Variants in CNTNAP2 observed in about 807,000 individuals in gnomAD.
CNTNAP2 encodes contactin-associated protein-like 2.
In CNTNAP2, 98 loss-of-function variants were observed where a neutral mutation model predicts 155.2. The ratio of observed to expected loss-of-function variants is 0.63; its 90% CI spans 0.54 to 0.75. CNTNAP2 has a LOEUF of 0.75. Ranked by LOEUF, CNTNAP2 falls within the 30% of genes least tolerant of loss-of-function variation. CNTNAP2 has a pLI of 0.00. For synonymous variants in CNTNAP2, 651 were observed against 631.2 expected, an observed-to-expected ratio of 1.03 and a Z score of -0.47; for missense variants, 1,727 against 1,688.1, an observed-to-expected ratio of 1.02 and a Z score of -0.40.
chr7:146,337,936 T>C (rs934352922), intron 1 of CNTNAP2, among the ~76,000 whole-genome samples: 4 of 152,116 alleles, frequency 2.6e-5, no homozygotes, highest in African/African-American at 4.8e-5. Flanking sequence ...TCCTTGAAAA[T>C]AGAAAATAAT....
intron 8 of CNTNAP2, among the ~76,000 whole-genome samples, chr7:147,242,672 AT>A (rs1803963845): frequency 6.6e-6 from 1 of 152,032 alleles, no homozygotes; most frequent in African/African-American, 2.4e-5. Flanking sequence ...AAATTCTTCC[AT>A]TTATTATTTC....
intron 13 of CNTNAP2, among the ~76,000 whole-genome samples, chr7:147,641,006 G>T (rs1258094598): frequency 1.3e-5 from 2 of 152,182 alleles, no homozygotes; most frequent in South Asian, 4.1e-4. Flanking sequence ...AGATATGTGG[G>T]GGCGGCCATG....
chr7:147,342,769 A>G (rs564491015), intron 9 of CNTNAP2, among the ~76,000 whole-genome samples: 1 of 152,280 alleles, frequency 6.6e-6, no homozygotes, highest in East Asian at 1.9e-4. Context: ...AACAGTAATG[A>G]AATGTGATCC....
At chr7:146,622,128 TGTATATATATATATACACACAC>T (rs199619992) in intron 1 of CNTNAP2, among the ~76,000 whole-genome samples, 5,715 of 82,360 alleles carry the variant, frequency 0.069, 155 homozygotes, top group African/African-American at 0.1. Flanking sequence ...GTTATGTATG[TGTATATATATATATACACACAC>T]GTATATATAT....
At chr7:147,560,830 C>T (rs921333017) in intron 11 of CNTNAP2, among the ~76,000 whole-genome samples, 12 of 145,250 alleles carry the variant, frequency 8.3e-5, no homozygotes, top group African/African-American at 3.1e-4. Context: ...GTTTAAATGA[C>T]ATAGAGTTGA....
chr7:147,242,021 T>A (rs527549093), intron 8 of CNTNAP2, among the ~76,000 whole-genome samples: 5 of 152,320 alleles, frequency 3.3e-5, no homozygotes, highest in African/African-American at 1.2e-4. Context: ...CTTCGCACCA[T>A]GCAAAACTGC....
At chr7:146,370,425 G>A (rs907151896) in intron 1 of CNTNAP2, among the ~76,000 whole-genome samples, 7 of 151,476 alleles carry the variant, frequency 4.6e-5, no homozygotes, top group African/African-American at 7.3e-5. Flanking sequence ...GGGACAGAGC[G>A]AGACTCCTTT....
At chr7:147,594,584 T>C (rs1245534616) in intron 12 of CNTNAP2, among the ~76,000 whole-genome samples, 4 of 152,234 alleles carry the variant, frequency 2.6e-5, no homozygotes, top group Non-Finnish European at 4.4e-5. Flanking sequence ...GCTTATTTTC[T>C]GGGTTTTCGC....
rs116001156 is a variant in CNTNAP2 at position 147,182,856 on chromosome 7, G to A, written c.1348+50347G>A. Reference sequence around the variant, plus strand: ...AGACAGCATGTATTCAGTACACAAAGATGAAAATAATTTAATCATCTTCAT... The same window carrying A: ...AGACAGCATGTATTCAGTACACAAAAATGAAAATAATTTAATCATCTTCAT... On this transcript the variant is annotated intron_variant, in intron 8 of 23. Transcript: ENST00000361727. 8.2e-3 allele frequency among the ~76,000 whole-genome samples: 1,253 copies of A among 152,156 alleles called. 17 individuals are homozygous for A. The highest frequency in any genetic ancestry group is 0.029 in the African/African-American group (1,200 of 41,520).
At chr7:148,347,930 A>G (rs1194481344) in intron 21 of CNTNAP2, among the ~76,000 whole-genome samples, 1 of 152,192 alleles carries the variant, frequency 6.6e-6, no homozygotes, top group South Asian at 2.1e-4. Flanking sequence ...GTTCTCGTCA[A>G]TTCAAACTCA....
chr7:147,480,135 T>G (rs889178714), intron 10 of CNTNAP2, among the ~76,000 whole-genome samples: 2 of 152,176 alleles, frequency 1.3e-5, no homozygotes, highest in African/African-American at 4.8e-5. Context: ...TGAAAAACAG[T>G]ATTCAAGGAA....
intron 16 of CNTNAP2, among the ~76,000 whole-genome samples, chr7:148,138,377 T>A (rs554140246): frequency 6.6e-6 from 1 of 152,184 alleles, no homozygotes; most frequent in Non-Finnish European, 1.5e-5. Flanking sequence ...AACCTGCAGT[T>A]TTATTACCTC....
intron 13 of CNTNAP2, among the ~76,000 whole-genome samples, chr7:147,710,438 C>A (rs534102924): frequency 6.6e-6 from 1 of 152,120 alleles, no homozygotes; most frequent in Non-Finnish European, 1.5e-5. Context: ...TGCTATTTAT[C>A]TTTTCAAGAA....
chr7:146,300,916 A>G (rs547922611), intron 1 of CNTNAP2, among the ~76,000 whole-genome samples: 1 of 152,308 alleles, frequency 6.6e-6, no homozygotes, highest in East Asian at 1.9e-4. Flanking sequence ...TGTTTATACA[A>G]ATCATTTAAA....
At chr7:147,001,035 G>A (rs1344328402) in intron 3 of CNTNAP2, among the ~76,000 whole-genome samples, 1 of 152,058 alleles carries the variant, frequency 6.6e-6, no homozygotes, top group Non-Finnish European at 1.5e-5. Context: ...TGTGTCCAAG[G>A]CAAAGTTCTA....
chr7:146,735,840 A>G (rs1266161591), intron 1 of CNTNAP2, among the ~76,000 whole-genome samples: 2 of 151,948 alleles, frequency 1.3e-5, no homozygotes, highest in Non-Finnish European at 2.9e-5. Context: ...GTTCTATAGC[A>G]CGTTAGGGTG....
intron 1 of CNTNAP2, among the ~76,000 whole-genome samples, chr7:146,698,551 T>A (rs1253573854): frequency 6.6e-6 from 1 of 152,176 alleles, no homozygotes; most frequent in Non-Finnish European, 1.5e-5. Flanking sequence ...GATTTTCTTC[T>A]TGTTTGATTT....
intron 15 of CNTNAP2, among the ~76,000 whole-genome samples, chr7:148,097,340 TAAAAA>T (rs754030091): frequency 7.0e-4 from 55 of 78,480 alleles, no homozygotes; most frequent in African/African-American, 1.9e-3. Context: ...GTGTCATTTG[TAAAAA>T]AAAAAAAAAA....
intron 15 of CNTNAP2, among the ~76,000 whole-genome samples, chr7:148,075,009 G>T (rs536153560): frequency 1.2e-4 from 18 of 152,294 alleles, no homozygotes; most frequent in African/African-American, 4.1e-4. Context: ...TGCACGGAAA[G>T]TTCTATAGAA....
Sources: allele counts gnomAD v4.1 joint callset (sites outside exome capture counted in the v4.1 genomes callset), GRCh38; gene constraint gnomAD v4.1.1; transcripts MANE v1.5; gene names NCBI Gene and HGNC (gene_info 2026-07-23, HGNC 2026-07-21).